Variants in HCK observed in about 807,000 individuals in gnomAD.
The protein encoded by HCK is tyrosine-protein kinase HCK.
HCK carries 40 observed loss-of-function variants against 70.4 expected under a neutral mutation model. That is an observed-to-expected ratio of 0.57 (90% CI 0.44 to 0.74). The LOEUF is 0.74. Among genes scored for constraint, HCK ranks in the 30% least tolerant of loss-of-function variants. HCK has a pLI of 0.00. For missense variants in HCK, 568 were observed against 697.2 expected, an observed-to-expected ratio of 0.81 and a Z score of 2.09; for synonymous variants, 245 against 263.2, an observed-to-expected ratio of 0.93 and a Z score of 0.67.
In HCK at chr20:32,087,647, T is replaced by A. The variant is rs1187911413; in HGVS notation, c.1015+840T>A. Among the ~76,000 whole-genome samples, 58 of 147,258 alleles carry A rather than the reference T, an allele frequency of 3.9e-4. 1 individual carries two copies. Among genetic ancestry groups the A allele is most frequent in the African/African-American group, 7.1e-4 (28 of 39,328 alleles). On this transcript the variant is annotated intron_variant, in intron 9 of 12. Transcript: ENST00000375852. ...ACACCCAGCTAATTTCTAAAAAAAT[T>A]TTTTTTTTTTTTGAGACAGAGTCTC... is the stretch of plus-strand genomic sequence containing the variant.
intron 10 of HCK, among the ~76,000 whole-genome samples, chr20:32,091,313 AC>A (rs1409121217): frequency 3.3e-5 from 5 of 152,206 alleles, no homozygotes; most frequent in Non-Finnish European, 7.3e-5. Context: ...AAGTGCGTGG[AC>A]CCCAAGCAGC....
At chr20:32,082,598 C>T (rs537713186) in intron 6 of HCK, among the ~76,000 whole-genome samples, 3 of 152,160 alleles carry the variant, frequency 2.0e-5, no homozygotes, top group South Asian at 4.1e-4. Flanking sequence ...GCCAAGATTG[C>T]GCCACTGCAC....
intron 1 of HCK, among the ~76,000 whole-genome samples, chr20:32,055,952 T>G (rs906122152): frequency 6.6e-6 from 1 of 152,258 alleles, no homozygotes; most frequent in Admixed American, 6.5e-5. Context: ...CTTCTTCCAC[T>G]TAACATAATG....
intron 4 of HCK, among the ~76,000 whole-genome samples, chr20:32,074,019 C>T (rs143242352): frequency 4.6e-5 from 7 of 152,306 alleles, no homozygotes; most frequent in African/African-American, 9.6e-5. Context: ...TGAGAGTGCA[C>T]GTCCAGCCTG....
intron 2 of HCK, chr20:32,072,106 A>G (rs2045549473): frequency 3.2e-6 from 1 of 316,002 alleles, no homozygotes; most frequent in Non-Finnish European, 5.9e-6. Flanking sequence ...CAGTAATGAT[A>G]GCAGCTGAAG....
Position 32,093,979 on chromosome 20 carries a change from C to T in HCK, c.1209C>T (p.Ala403=). The change falls in exon 11 of 13, where the codon GCC becomes GCT. Residue 403 remains alanine (A), a synonymous_variant. Transcript: ENST00000375852. ...GTAAGATTGCTGACTTTGGCCTGGC[C>T]CGGGTCATTGAGGACAACGAGTACA... The T allele has an allele frequency of 4.3e-6, 7 of 1,613,870 alleles. No individual in the cohort carries two copies. The highest frequency in any genetic ancestry group is 5.9e-6 in the Non-Finnish European group (7 of 1,179,964).
intron 1 of HCK, among the ~76,000 whole-genome samples, chr20:32,053,586 C>T (rs2045215508): frequency 7.4e-6 from 1 of 134,954 alleles, no homozygotes; most frequent in Non-Finnish European, 1.5e-5. Context: ...TGCGGTGAGC[C>T]GAGATCGCGC....
intron 11 of HCK, among the ~76,000 whole-genome samples, chr20:32,094,779 G>GAGAGAA (rs1286150503): frequency 1.4e-4 from 10 of 72,512 alleles, no homozygotes; most frequent in African/African-American, 7.0e-4. Context: ...GAAAGAAAGA[G>GAGAGAA]AGAGAAAGAG....
intron 5 of HCK, 114 bp from the exon 6 acceptor site, chr20:32,079,660 G>C (rs578136198): frequency 3.0e-6 from 2 of 672,180 alleles, no homozygotes; most frequent in South Asian, 3.5e-5. Flanking sequence ...CAGGAAGCCA[G>C]ACCCTCTGTA....
At chr20:32,094,334 A>C (rs763177625) in intron 11 of HCK, among the ~76,000 whole-genome samples, 23 of 152,154 alleles carry the variant, frequency 1.5e-4, no homozygotes, top group Admixed American at 2.6e-4. Flanking sequence ...TGTCCATAGC[A>C]GGAGGATGGA....
chr20:32,071,987 T>A, intron 2 of HCK: 1 of 615,408 alleles, frequency 1.6e-6, no homozygotes, highest in East Asian at 3.0e-5. Flanking sequence ...CTCTCTTTCC[T>A]GCAGCCCAGG....
intron 1 of HCK, among the ~76,000 whole-genome samples, chr20:32,063,539 G>A (rs1376763812): frequency 6.6e-6 from 1 of 152,054 alleles, no homozygotes; most frequent in African/African-American, 2.4e-5. Flanking sequence ...ATGAGCCCCT[G>A]CACCCAGTCT....
chr20:32,100,888 A>G (rs1044186043), intron 12 of HCK, among the ~76,000 whole-genome samples: 8 of 152,166 alleles, frequency 5.3e-5, no homozygotes, highest in African/African-American at 1.9e-4. Flanking sequence ...GAAGCAATCT[A>G]TTACTCCCAA....
chr20:32,093,712 C>T (rs562638546), intron 10 of HCK, 151 bp from the exon 11 acceptor site: 1 of 676,722 alleles, frequency 1.5e-6, no homozygotes, highest in Non-Finnish European at 2.4e-6. Flanking sequence ...GGAATGCCAC[C>T]CTGAGCCCTG....
At chr20:32,078,856 CAAA>C (rs368194350) in intron 5 of HCK, among the ~76,000 whole-genome samples, 3 of 36,232 alleles carry the variant, frequency 8.3e-5, no homozygotes, top group Non-Finnish European at 9.2e-5. Context: ...GACTCAGTCT[CAAA>C]AAAAAAAAAA....
At chr20:32,088,855 TTTG>T (rs1369525689) in intron 10 of HCK, among the ~76,000 whole-genome samples, 2 of 152,212 alleles carry the variant, frequency 1.3e-5, no homozygotes, top group Non-Finnish European at 2.9e-5. Context: ...GGCTGGGATT[TTTG>T]TTATCTATTT....
At chr20:32,076,764 G>A (rs1037456639) in intron 5 of HCK, among the ~76,000 whole-genome samples, 2 of 151,962 alleles carry the variant, frequency 1.3e-5, no homozygotes, top group African/African-American at 4.8e-5. Flanking sequence ...GCTGCTCCAG[G>A]GACCCAGCTT....
intron 8 of HCK, among the ~76,000 whole-genome samples, chr20:32,085,953 T>C (rs2045779203): frequency 6.6e-6 from 1 of 152,114 alleles, no homozygotes; most frequent in African/African-American, 2.4e-5. Flanking sequence ...AAGATTAAAG[T>C]GGGCGGTGTA....
chr20:32,074,668 G>A lies in HCK; in HGVS notation c.375G>A (p.Glu125=), dbSNP rs775722601. The change falls in exon 5 of 13, where the codon GAG becomes GAA. Residue 125 remains glutamate, a synonymous_variant. Coordinates refer to ENST00000375852, the MANE Select transcript of HCK (RefSeq NM_002110.5). ...CTCGATCCCTGGCCACCCGGAAGGA[G>A]GGCTACATCCCAAGCAACTATGTCG... The A allele has an allele frequency of 6.2e-6, 10 of 1,614,074 alleles. No individual in the cohort carries two copies. Among genetic ancestry groups the A allele is most frequent in the South Asian group, 1.1e-5 (1 of 91,088 alleles).
Sources: gnomAD v4.1 joint callset for allele counts (sites outside exome capture counted in the v4.1 genomes callset) on GRCh38, gnomAD v4.1.1 for gene constraint, MANE v1.5 for transcripts, NCBI Gene and HGNC (gene_info 2026-07-23, HGNC 2026-07-21) for gene names.